LINGO2: variants seen among roughly 807,000 people sequenced by gnomAD.
The protein encoded by LINGO2 is leucine rich repeat and Ig domain containing 2.
In LINGO2, 14 loss-of-function variants were observed where a neutral mutation model predicts 30.6. The observed-to-expected ratio is 0.46, with a 90% CI of 0.30 to 0.72. The LOEUF is 0.72. Ranked by LOEUF, LINGO2 falls within the 30% of genes least tolerant of loss-of-function variation. The probability of loss-of-function intolerance (pLI) is 0.07; values close to 1 mark genes in which losing one functional copy is unlikely to be tolerated. For missense variants in LINGO2, 729 were observed against 751.7 expected (o/e 0.97, Z 0.35); for synonymous variants, 317 against 288.5 (o/e 1.10, Z -1.00).
At chr9:28,025,210 C>T (rs1823319125) in intron 4 of LINGO2, among the ~76,000 whole-genome samples, 1 of 152,164 alleles carries the variant, frequency 6.6e-6, no homozygotes, top group African/African-American at 2.4e-5. Context: ...CATTCAGTCA[C>T]CACTATTACA....
intron 2 of LINGO2, among the ~76,000 whole-genome samples, chr9:28,453,986 T>C (rs1238436927): frequency 6.6e-6 from 1 of 151,962 alleles, no homozygotes; most frequent in Non-Finnish European, 1.5e-5. Context: ...GCTGGAATGG[T>C]GAAATGAGAA....
chr9:27,946,621 T>G (rs1452506340), downstream of LINGO2, among the ~76,000 whole-genome samples: 1 of 152,174 alleles, frequency 6.6e-6, no homozygotes, highest in African/African-American at 2.4e-5. Context: ...TTGGAAGTTT[T>G]TTTGAAATCT....
At chr9:28,794,385 C>A in the LINGO2 span, among the ~76,000 whole-genome samples, 5 of 152,168 alleles carry the variant, frequency 3.3e-5, no homozygotes, top group Non-Finnish European at 1.5e-5. Context: ...TAACTTTATG[C>A]TACACCTTGG....
At chr9:28,351,951 C>A (rs1251677360) in intron 3 of LINGO2, among the ~76,000 whole-genome samples, 4 of 151,220 alleles carry the variant, frequency 2.6e-5, no homozygotes, top group Non-Finnish European at 5.9e-5. Context: ...AATTCAACAA[C>A]CCTTCATGCT....
At chr9:28,667,686 G>C (rs907651909) in intron 1 of LINGO2, among the ~76,000 whole-genome samples, 1 of 152,190 alleles carries the variant, frequency 6.6e-6, no homozygotes, top group Non-Finnish European at 1.5e-5. Context: ...GGAGGTTGCA[G>C]TGAGCCGAGA....
the LINGO2 span, among the ~76,000 whole-genome samples, chr9:29,144,875 T>C: frequency 6.6e-6 from 1 of 152,192 alleles, no homozygotes; most frequent in African/African-American, 2.4e-5. Context: ...ATCTAACACA[T>C]TGAAAATTAC....
chr9:29,184,256 T>C, the LINGO2 span, among the ~76,000 whole-genome samples: 3 of 152,058 alleles, frequency 2.0e-5, no homozygotes, highest in Non-Finnish European at 2.9e-5. Flanking sequence ...GTGTTTGCAA[T>C]TGGCTAACTG....
chr9:28,891,480 GAA>G, the LINGO2 span, among the ~76,000 whole-genome samples: 2 of 148,308 alleles, frequency 1.3e-5, no homozygotes, highest in Admixed American at 6.7e-5. Context: ...AATTTCTGGA[GAA>G]AAAAAAAAGA....
At chr9:29,175,345 A>C in the LINGO2 span, among the ~76,000 whole-genome samples, 6 of 152,252 alleles carry the variant, frequency 3.9e-5, no homozygotes, top group Admixed American at 2.6e-4. Flanking sequence ...TCCTTTGTTG[A>C]TATAAAAATA....
the LINGO2 span, among the ~76,000 whole-genome samples, chr9:28,939,902 A>C: frequency 6.6e-6 from 1 of 152,160 alleles, no homozygotes; most frequent in African/African-American, 2.4e-5. Flanking sequence ...AAAGTAGAAT[A>C]AATCTTGAGA....
intron 4 of LINGO2, among the ~76,000 whole-genome samples, chr9:28,048,449 G>A (rs763511638): frequency 4.0e-5 from 6 of 150,674 alleles, no homozygotes; most frequent in Admixed American, 6.7e-5. Context: ...ATCCCAAATG[G>A]AACCTGAAGA....
chr9:28,823,093 T>G, the LINGO2 span, among the ~76,000 whole-genome samples: 1 of 152,194 alleles, frequency 6.6e-6, no homozygotes, highest in African/African-American at 2.4e-5. Context: ...GGTAAATTTC[T>G]CAGAGTTCAG....
the LINGO2 span, among the ~76,000 whole-genome samples, chr9:29,134,206 A>G: frequency 6.6e-6 from 1 of 152,110 alleles, no homozygotes; most frequent in Non-Finnish European, 1.5e-5. Context: ...TTTGTGTTCC[A>G]ACTAATATTC....
Position 28,522,063 on chromosome 9 carries a change from C to T in LINGO2, c.-364-46038G>A, listed in dbSNP as rs931288229. Among the ~76,000 whole-genome samples the T allele has an allele frequency of 2.2e-4, 34 of 152,150 alleles. 1 individual carries two copies. Among genetic ancestry groups the T allele is most frequent in the Admixed American group, 6.5e-5 (1 of 15,270 alleles). The stretch of plus-strand genomic sequence containing the variant: ...ATAAATTTCTATTTTTTAAGTTGCC[C>T]AGTTCATGGTAATTTGTTACAGCAT... On this transcript the variant is annotated intron_variant, in intron 1 of 5. Transcript: ENST00000379992.
At chr9:28,214,702 A>G (rs1241041021) in intron 4 of LINGO2, among the ~76,000 whole-genome samples, 1 of 151,642 alleles carries the variant, frequency 6.6e-6, no homozygotes, top group Non-Finnish European at 1.5e-5. Context: ...TGAAGGAAAC[A>G]GAAAAGCTGT....
At chr9:28,692,250 G>T in the LINGO2 span, among the ~76,000 whole-genome samples, 1 of 151,926 alleles carries the variant, frequency 6.6e-6, no homozygotes, top group Non-Finnish European at 1.5e-5. Flanking sequence ...TGAGGTCGGC[G>T]GATCACCTGA....
chr9:28,127,054 C>T (rs1827255875), intron 4 of LINGO2, among the ~76,000 whole-genome samples: 1 of 152,164 alleles, frequency 6.6e-6, no homozygotes, highest in Non-Finnish European at 1.5e-5. Flanking sequence ...TTGAGATTCA[C>T]AGAAGTCCCT....
chr9:28,766,204 T>C, the LINGO2 span, among the ~76,000 whole-genome samples: 8 of 151,970 alleles, frequency 5.3e-5, 1 homozygote, highest in Non-Finnish European at 7.4e-5. Flanking sequence ...ATCTGATAAG[T>C]GGTTACTATC....
the LINGO2 span, among the ~76,000 whole-genome samples, chr9:28,815,686 C>T: frequency 1.3e-5 from 2 of 151,920 alleles, no homozygotes; most frequent in African/African-American, 2.4e-5. Flanking sequence ...CCAAGAGTAC[C>T]GTGTAAAAAA....
Sources: gnomAD v4.1 joint callset for allele counts (sites outside exome capture counted in the v4.1 genomes callset) on GRCh38, gnomAD v4.1.1 for gene constraint, MANE v1.5 for transcripts, NCBI Gene and HGNC (gene_info 2026-07-23, HGNC 2026-07-21) for gene names.